CSMD3: variants seen among roughly 807,000 people sequenced by gnomAD.
CSMD3 encodes the protein CUB and Sushi multiple domains 3, also known as CUB and sushi domain-containing protein 3.
Under a neutral mutation model 435.2 loss-of-function variants are expected in CSMD3, and 177 were observed. The observed-to-expected ratio is 0.41, with a 90% CI of 0.36 to 0.46. CSMD3 has a LOEUF of 0.46. Among genes scored for constraint, CSMD3 ranks in the 20% least tolerant of loss-of-function variants. The pLI is 0.34. For missense variants in CSMD3, 4,265 were observed against 4,504.6 expected, an observed-to-expected ratio of 0.95 and a Z score of 1.52; for synonymous variants, 1,656 against 1,520.5, an observed-to-expected ratio of 1.09 and a Z score of -2.07.
intron 44 of CSMD3, 43 bp downstream of exon 44, chr8:112,336,609 G>T: frequency 7.2e-7 from 1 of 1,397,602 alleles, no homozygotes; most frequent in Non-Finnish European, 1.0e-6. Flanking sequence ...TTGTTTTACT[G>T]TGTATATAAT....
chr8:112,409,465 T>C lies in CSMD3; in HGVS notation c.5396-433A>G, dbSNP rs1467218426. Among the ~76,000 whole-genome samples, 11 of 152,150 alleles carry C rather than the reference T, an allele frequency of 7.2e-5. No homozygotes were observed. In the East Asian group the frequency reaches 2.1e-3, roughly 29 times the overall value. ...CACAGTTTTAATTCAGGGGATTTTT[T>C]AAGTTGTCCTTAAAAATGTTATTCC... On this transcript the variant is annotated intron_variant, in intron 32 of 70. Transcript: ENST00000297405.
chr8:113,210,414 A>T (rs1259292363), intron 3 of CSMD3, among the ~76,000 whole-genome samples: 1 of 152,132 alleles, frequency 6.6e-6, no homozygotes, highest in East Asian at 1.9e-4. Flanking sequence ...GAATACATAT[A>T]GAATCTATTT....
intron 31 of CSMD3, among the ~76,000 whole-genome samples, chr8:112,489,710 G>A (rs1463643050): frequency 6.6e-6 from 1 of 152,042 alleles, no homozygotes; most frequent in Non-Finnish European, 1.5e-5. Context: ...TCATTGTTTA[G>A]TATTAAAGAT....
At chr8:112,747,823 C>T (rs1587161593) in intron 13 of CSMD3, among the ~76,000 whole-genome samples, 1 of 152,140 alleles carries the variant, frequency 6.6e-6, no homozygotes, top group African/African-American at 2.4e-5. Context: ...ATTAGCCGGG[C>T]GCAGTGGCGG....
At chr8:112,270,634 T>G (rs532088821) in intron 59 of CSMD3, among the ~76,000 whole-genome samples, 55 of 152,268 alleles carry the variant, frequency 3.6e-4, no homozygotes, top group African/African-American at 1.3e-3. Context: ...GATTTTTTAT[T>G]AACTGAATCT....
At chr8:113,382,119 C>T (rs1179879970) in intron 1 of CSMD3, among the ~76,000 whole-genome samples, 1 of 151,988 alleles carries the variant, frequency 6.6e-6, no homozygotes, top group Non-Finnish European at 1.5e-5. Flanking sequence ...TGCTTAGAGT[C>T]CTAGATGTGG....
At chr8:113,245,884 T>A (rs2093270884) in intron 3 of CSMD3, among the ~76,000 whole-genome samples, 1 of 152,024 alleles carries the variant, frequency 6.6e-6, no homozygotes, top group Non-Finnish European at 1.5e-5. Flanking sequence ...TTTTAAAATA[T>A]TGTTTGCTAC....
chr8:112,879,309 G>GC (rs2081381925), intron 10 of CSMD3, among the ~76,000 whole-genome samples: 2 of 152,054 alleles, frequency 1.3e-5, no homozygotes, highest in African/African-American at 4.8e-5. Context: ...CTCCTGCAGT[G>GC]CCCCCAGGCT....
At chr8:112,607,927 T>G (rs1563762835) in intron 22 of CSMD3, among the ~76,000 whole-genome samples, 1 of 152,074 alleles carries the variant, frequency 6.6e-6, no homozygotes, top group Non-Finnish European at 1.5e-5. Flanking sequence ...CTAATTCTAT[T>G]CACCATAGCA....
intron 3 of CSMD3, among the ~76,000 whole-genome samples, chr8:113,205,701 A>G (rs1436928784): frequency 6.6e-6 from 1 of 152,168 alleles, no homozygotes; most frequent in Non-Finnish European, 1.5e-5. Flanking sequence ...ATCAAAATAG[A>G]CAGAAAAAAA....
In CSMD3 at chr8:113,343,663, T is replaced by C. The variant is rs145959423; in HGVS notation, c.179-28870A>G. Among the ~76,000 whole-genome samples, 153 of 152,282 alleles carry C rather than the reference T, an allele frequency of 1.0e-3. 1 individual carries two copies. Among genetic ancestry groups the C allele is most frequent in the Non-Finnish European group, 3.1e-4 (21 of 68,018 alleles). ...AAGCGAACCACAGCTAGGTACATTA[T>C]AGTCAACATTCTGATTCCCAAAGCT... On this transcript the variant is annotated intron_variant, in intron 1 of 70. Transcript: ENST00000297405.
chr8:112,626,636 G>A (rs1260110428), intron 22 of CSMD3, among the ~76,000 whole-genome samples: 1 of 152,054 alleles, frequency 6.6e-6, no homozygotes, highest in Non-Finnish European at 1.5e-5. Flanking sequence ...TTTAGGTACT[G>A]TCAGTCTATT....
intron 12 of CSMD3, among the ~76,000 whole-genome samples, chr8:112,814,674 T>G (rs906641772): frequency 6.6e-6 from 1 of 151,466 alleles, no homozygotes; most frequent in Non-Finnish European, 1.5e-5. Context: ...TCCCAGCTAC[T>G]GGGGGGCTGA....
At chr8:113,162,366 G>C (rs2092058810) in intron 4 of CSMD3, among the ~76,000 whole-genome samples, 1 of 151,770 alleles carries the variant, frequency 6.6e-6, no homozygotes, top group Non-Finnish European at 1.5e-5. Flanking sequence ...GGGAGTTCGA[G>C]ACCAGCCTGA....
rs61496543 is a variant in CSMD3 at position 112,430,896 on chromosome 8, A to ATGTGTGTGTG, written c.5396-21874_5396-21865dup. Among the ~76,000 whole-genome samples, 303 of 148,690 alleles carry ATGTGTGTGTG rather than the reference A, an allele frequency of 2.0e-3. 1 individual carries two copies. Among genetic ancestry groups the ATGTGTGTGTG allele is most frequent in the African/African-American group, 6.9e-3 (278 of 40,098 alleles). On this transcript the variant is annotated intron_variant, in intron 32 of 70. Coordinates refer to ENST00000297405, the MANE Select transcript of CSMD3 (RefSeq NM_198123.2). ...AGTTGTTACGGGTGTTTGTGTGTATATGTGTGTGTGTGTGTGTGTGTGTGT... is the reference window on the plus strand; with the variant it reads ...AGTTGTTACGGGTGTTTGTGTGTATATGTGTGTGTGTGTGTGTGTGTGTGTGTGTGTGTGT...
chr8:112,915,531 A>G (rs1353386211), intron 10 of CSMD3, among the ~76,000 whole-genome samples: 1 of 151,890 alleles, frequency 6.6e-6, no homozygotes, highest in African/African-American at 2.4e-5. Context: ...ATTTTCAACA[A>G]TGACATTATA....
chr8:112,503,734 T>C, intron 30 of CSMD3, 56 bp downstream of exon 30: 1 of 1,277,212 alleles, frequency 7.8e-7, no homozygotes, highest in Non-Finnish European at 1.1e-6. Context: ...ATTATTCTCC[T>C]GTATAAAATA....
chr8:113,392,761 TTTATG>T (rs1266836319), intron 1 of CSMD3, among the ~76,000 whole-genome samples: 2 of 152,106 alleles, frequency 1.3e-5, no homozygotes, highest in African/African-American at 4.8e-5. Flanking sequence ...AATCTAATAT[TTTATG>T]TTATAATTTA....
At chr8:112,924,881 T>A (rs995428637) in intron 9 of CSMD3, among the ~76,000 whole-genome samples, 1 of 152,090 alleles carries the variant, frequency 6.6e-6, no homozygotes, top group Non-Finnish European at 1.5e-5. Flanking sequence ...TGAAATATTA[T>A]TTATAAACTA....
Sources: gnomAD v4.1 joint callset for allele counts (sites outside exome capture counted in the v4.1 genomes callset) on GRCh38, gnomAD v4.1.1 for gene constraint, MANE v1.5 for transcripts, NCBI Gene and HGNC (gene_info 2026-07-23, HGNC 2026-07-21) for gene names.